OSBPL10: variants seen among roughly 807,000 people sequenced by gnomAD.
The protein encoded by OSBPL10 is oxysterol-binding protein-related protein 10.
OSBPL10 carries 49 observed loss-of-function variants against 81.7 expected under a neutral mutation model. The observed-to-expected ratio is 0.60, with a 90% confidence interval of 0.48 to 0.76. The LOEUF (loss-of-function observed/expected upper bound fraction) is 0.76, where lower values mean the gene tolerates loss of function less well. OSBPL10 is among the 30% of genes least tolerant of loss of function. OSBPL10 has a pLI of 0.00. For missense variants in OSBPL10, 923 were observed against 987.8 expected (o/e 0.93, Z 0.88); for synonymous variants, 419 against 383.6 (o/e 1.09, Z -1.08).
At chr3:31,686,292 A>G (rs964624700) in intron 7 of OSBPL10, among the ~76,000 whole-genome samples, 1 of 152,268 alleles carries the variant, frequency 6.6e-6, no homozygotes, top group African/African-American at 2.4e-5. Flanking sequence ...ACAGATGTCC[A>G]GAGAGAGATA....
chr3:31,830,222 T>A lies in OSBPL10; in HGVS notation c.547A>T (p.Ser183Cys). 1 of 1,613,458 alleles carries A rather than the reference T, an allele frequency of 6.2e-7. No homozygotes were observed. The highest frequency in any genetic ancestry group is 8.5e-7 in the Non-Finnish European group (1 of 1,179,692). ...HMEMNSKSAP[S>C]SRSRSLTLLP... ...AAAGTGAGACTTCGGCTTCGGGAGC[T>A]TGGAGCACTCTAGAATAAGCAACAG... Residue 183 changes from serine to cysteine, a missense_variant, in exon 4 of 12, where the codon AGC becomes TGC. By Grantham distance (112) the Ser-to-Cys change is moderately radical. Coordinates refer to ENST00000396556, the MANE Select transcript of OSBPL10 (RefSeq NM_017784.5).
chr3:31,698,768 C>T (rs1202155727), intron 7 of OSBPL10, among the ~76,000 whole-genome samples: 2 of 152,200 alleles, frequency 1.3e-5, no homozygotes, highest in East Asian at 1.9e-4. Context: ...ATCTGGTCTC[C>T]ACTAGAATGT....
intron 3 of OSBPL10, among the ~76,000 whole-genome samples, chr3:31,850,167 A>G (rs1030031822): frequency 5.3e-5 from 8 of 152,030 alleles, no homozygotes; most frequent in Admixed American, 1.3e-4. Context: ...TCTGTCTCAA[A>G]AAGAAAAAAA....
intron 9 of OSBPL10, among the ~76,000 whole-genome samples, chr3:31,670,256 A>T (rs1349580467): frequency 6.6e-6 from 1 of 152,260 alleles, no homozygotes; most frequent in Non-Finnish European, 1.5e-5. Flanking sequence ...CTTACACAGT[A>T]GAGCTGTGCT....
intron 1 of OSBPL10, among the ~76,000 whole-genome samples, chr3:31,953,471 G>A (rs557627095): frequency 1.3e-5 from 2 of 151,884 alleles, no homozygotes; most frequent in African/African-American, 2.4e-5. Context: ...GCAGTGGCTT[G>A]ATCACAGCTC....
intron 2 of OSBPL10, among the ~76,000 whole-genome samples, chr3:32,045,090 A>G (rs143166636): frequency 6.6e-6 from 1 of 152,360 alleles, no homozygotes; most frequent in East Asian, 1.9e-4. Context: ...GGAAGTTTTC[A>G]AAATAGAAGA....
chr3:32,009,411 T>C (rs1348863984), intron 2 of OSBPL10, among the ~76,000 whole-genome samples: 1 of 152,192 alleles, frequency 6.6e-6, no homozygotes, highest in Non-Finnish European at 1.5e-5. Context: ...CTCTCACTAG[T>C]TGGGGAAACT....
chr3:31,662,443 G>C, intron 11 of OSBPL10: 1 of 1,076,162 alleles, frequency 9.3e-7, no homozygotes, highest in African/African-American at 1.7e-5. Flanking sequence ...AGAGTAGCTA[G>C]ATGAATGGCC....
intron 4 of OSBPL10, among the ~76,000 whole-genome samples, chr3:31,817,541 G>GGCGGCT (rs1553629588): frequency 0.013 from 1,382 of 106,724 alleles, 27 homozygotes; most frequent in African/African-American, 0.041. Flanking sequence ...CTGTGGGTCA[G>GGCGGCT]GCGGCTGCAG....
At chr3:31,817,717 C>T (rs1056336779) in intron 4 of OSBPL10, among the ~76,000 whole-genome samples, 3 of 152,148 alleles carry the variant, frequency 2.0e-5, no homozygotes, top group Admixed American at 6.5e-5. Context: ...GTCTGGACTG[C>T]GGTTTGGGTG....
chr3:31,671,072 G>A (rs1003032462), intron 8 of OSBPL10, 89 bp from the exon 9 acceptor site: 5 of 1,283,044 alleles, frequency 3.9e-6, no homozygotes, highest in Non-Finnish European at 5.3e-6. Flanking sequence ...AAACCAAAGA[G>A]CCTCCTGCAC....
At chr3:32,052,401 C>T (rs1244247129) in intron 1 of OSBPL10, among the ~76,000 whole-genome samples, 1 of 152,174 alleles carries the variant, frequency 6.6e-6, no homozygotes, top group East Asian at 1.9e-4. Flanking sequence ...TGTGGTGATT[C>T]ATCAAGGATC....
rs1451054510 is a variant in OSBPL10 at position 32,064,883 on chromosome 3, T to G, written n.185+12513A>C. ...TGTGTTTTTTTGTTTTTTTCCCCCTTTCTCTTAGGCATGCCTAAAATCTCC... is the reference window on the plus strand; with the variant it reads ...TGTGTTTTTTTGTTTTTTTCCCCCTGTCTCTTAGGCATGCCTAAAATCTCC... On this transcript the variant is annotated intron_variant and non_coding_transcript_variant, in intron 1 of 3. Transcript: ENST00000479173. 2 of 93,532 alleles carry G rather than the reference T, an allele frequency of 2.1e-5. 1 individual carries two copies. Among genetic ancestry groups the G allele is most frequent in the African/African-American group, 5.5e-5 (2 of 36,320 alleles). 5.8% of individuals were successfully genotyped at this position (93,532 alleles called of 1,614,324 possible).
At chr3:31,904,865 A>G (rs930785490) in intron 1 of OSBPL10, among the ~76,000 whole-genome samples, 3 of 152,254 alleles carry the variant, frequency 2.0e-5, no homozygotes, top group Admixed American at 1.3e-4. Context: ...AACTTTCCCA[A>G]CTTTCTGGGA....
intron 1 of OSBPL10, among the ~76,000 whole-genome samples, chr3:32,069,073 G>A (rs1054419343): frequency 6.6e-6 from 1 of 152,160 alleles, no homozygotes. Context: ...GGTGGCTGGA[G>A]TTGAAGGCAT....
intron 6 of OSBPL10, among the ~76,000 whole-genome samples, chr3:31,721,902 A>G (rs1696656588): frequency 6.6e-6 from 1 of 152,218 alleles, no homozygotes; most frequent in Non-Finnish European, 1.5e-5. Context: ...TTATACAACC[A>G]TTAATGATTC....
At chr3:32,027,014 T>A (rs924621060) in intron 2 of OSBPL10, among the ~76,000 whole-genome samples, 2 of 152,164 alleles carry the variant, frequency 1.3e-5, no homozygotes, top group African/African-American at 2.4e-5. Context: ...GGAGGAGTCA[T>A]TTATTACTTT....
chr3:31,881,951 C>T (rs1451114753), intron 1 of OSBPL10, among the ~76,000 whole-genome samples: 2 of 152,190 alleles, frequency 1.3e-5, no homozygotes, highest in African/African-American at 4.8e-5. Flanking sequence ...GGCTCGGGTC[C>T]ACTCCAGCAA....
intron 2 of OSBPL10, among the ~76,000 whole-genome samples, chr3:32,002,671 C>A (rs1205985197): frequency 6.6e-6 from 1 of 152,166 alleles, no homozygotes; most frequent in African/African-American, 2.4e-5. Context: ...TCATTTCAAA[C>A]AGCAATGTTT....
Sources: allele counts gnomAD v4.1 joint callset (sites outside exome capture counted in the v4.1 genomes callset), GRCh38; gene constraint gnomAD v4.1.1; transcripts MANE v1.5; gene names NCBI Gene and HGNC (gene_info 2026-07-23, HGNC 2026-07-21).